CDH12: variants seen among roughly 807,000 people sequenced by gnomAD.
CDH12 encodes the protein cadherin-12.
In CDH12, 41 loss-of-function variants were observed where a neutral mutation model predicts 74.1. That is an observed-to-expected ratio of 0.55 (90% confidence interval 0.43 to 0.72). The LOEUF is 0.72. CDH12 is among the 30% of genes least tolerant of loss of function. The pLI is 0.00. For synonymous variants in CDH12, 399 were observed against 355.0 expected, an observed-to-expected ratio of 1.12 and a Z score of -1.39; for missense variants, 945 against 977.2, an observed-to-expected ratio of 0.97 and a Z score of 0.44.
chr5:21,777,439 C>T (rs1200196309), intron 11 of CDH12, among the ~76,000 whole-genome samples: 1 of 151,896 alleles, frequency 6.6e-6, no homozygotes, highest in Non-Finnish European at 1.5e-5. Flanking sequence ...ACTATATGTA[C>T]ATTGCAAATA....
Position 22,779,124 on chromosome 5 carries a change from G to T in CDH12, c.-523+73934C>A, listed in dbSNP as rs10074899. 7.6e-3 allele frequency among the ~76,000 whole-genome samples: 1,161 copies of T among 152,090 alleles called. 9 individuals are homozygous for T. The highest frequency in any genetic ancestry group is 0.027 in the African/African-American group (1,101 of 41,496). Reference sequence around the variant, plus strand: ...GATGTATATTTGCTTCAATCCTGAAGGAAGTTTGTACAACTAAGTTTTTCT... The same window carrying T: ...GATGTATATTTGCTTCAATCCTGAATGAAGTTTGTACAACTAAGTTTTTCT... On this transcript the variant is annotated intron_variant, in intron 1 of 14. Transcript: ENST00000382254.
chr5:22,389,749 G>A (rs1208756791), intron 3 of CDH12, among the ~76,000 whole-genome samples: 1 of 150,212 alleles, frequency 6.7e-6, no homozygotes, highest in African/African-American at 2.4e-5. Context: ...CCGGGTTCAC[G>A]CCATTCTCCT....
intron 1 of CDH12, among the ~76,000 whole-genome samples, chr5:22,572,077 G>A (rs1739568913): frequency 6.6e-6 from 1 of 152,012 alleles, no homozygotes; most frequent in African/African-American, 2.4e-5. Flanking sequence ...CACAATATCT[G>A]CAAAGTGCAC....
At chr5:22,372,575 GC>G (rs1561353154) in intron 3 of CDH12, among the ~76,000 whole-genome samples, 2 of 152,250 alleles carry the variant, frequency 1.3e-5, no homozygotes, top group South Asian at 2.1e-4. Flanking sequence ...AGGGAGTTGA[GC>G]CCCCGAAGGA....
chr5:22,365,712 T>C (rs1025334059), intron 3 of CDH12, among the ~76,000 whole-genome samples: 11 of 152,208 alleles, frequency 7.2e-5, no homozygotes, highest in African/African-American at 2.7e-4. Context: ...AACAACTCTT[T>C]GTAGCTATTG....
At chr5:21,944,987 A>G (rs1357695671) in intron 6 of CDH12, among the ~76,000 whole-genome samples, 3 of 152,180 alleles carry the variant, frequency 2.0e-5, no homozygotes, top group East Asian at 3.8e-4. Context: ...TCAATAGGGA[A>G]CCATCTACGA....
intron 2 of CDH12, among the ~76,000 whole-genome samples, chr5:22,458,528 A>G (rs1055634967): frequency 6.6e-6 from 1 of 152,168 alleles, no homozygotes; most frequent in Non-Finnish European, 1.5e-5. Flanking sequence ...AAGAAAAAAT[A>G]CTTCTTTGAA....
intron 11 of CDH12, among the ~76,000 whole-genome samples, chr5:21,771,176 C>T (rs10473560): frequency 0.015 from 2,312 of 150,604 alleles, 61 homozygotes; most frequent in African/African-American, 0.053. Context: ...TGCACATGTA[C>T]CCTTGAACCT....
intron 3 of CDH12, among the ~76,000 whole-genome samples, chr5:22,249,762 G>A (rs1457980388): frequency 3.9e-5 from 6 of 152,138 alleles, no homozygotes; most frequent in South Asian, 2.1e-4. Flanking sequence ...TACTAAGGTC[G>A]ACTTTTTCTG....
chr5:22,120,409 T>C (rs1745438468), intron 4 of CDH12, among the ~76,000 whole-genome samples: 1 of 152,138 alleles, frequency 6.6e-6, no homozygotes, highest in African/African-American at 2.4e-5. Context: ...ATTACATGTA[T>C]GAGAAAAATT....
intron 3 of CDH12, among the ~76,000 whole-genome samples, chr5:22,390,014 T>TACACACACAC (rs70959727): frequency 0.15 from 22,118 of 149,932 alleles, 1,854 homozygotes; most frequent in Admixed American, 0.2. Context: ...GTAGTCAGAA[T>TACACACACAC]ACACACACAC....
intron 6 of CDH12, among the ~76,000 whole-genome samples, chr5:21,933,757 G>C (rs1002379077): frequency 6.6e-5 from 10 of 152,164 alleles, no homozygotes; most frequent in African/African-American, 2.2e-4. Context: ...TCTGAACATA[G>C]ATATCTAGGG....
At chr5:21,943,906 G>A (rs978281388) in intron 6 of CDH12, among the ~76,000 whole-genome samples, 2 of 151,992 alleles carry the variant, frequency 1.3e-5, no homozygotes, top group African/African-American at 2.4e-5. Flanking sequence ...CCCTGCAAAT[G>A]AGCAGATCAC....
chr5:22,519,251 A>G (rs1313765877), intron 1 of CDH12, among the ~76,000 whole-genome samples: 1 of 152,114 alleles, frequency 6.6e-6, no homozygotes, highest in Non-Finnish European at 1.5e-5. Context: ...AAATCTATTT[A>G]TGTTTTTTTA....
chr5:22,815,769 C>CAAAAAAAAAAAAAAAAA (rs34135797), intron 1 of CDH12, among the ~76,000 whole-genome samples: 4 of 97,088 alleles, frequency 4.1e-5, no homozygotes, highest in Non-Finnish European at 8.1e-5. Flanking sequence ...GACTCCGTCT[C>CAAAAAAAAAAAAAAAAA]AAAAAAAAAA....
chr5:22,032,813 T>TAC (rs534589061), intron 5 of CDH12, among the ~76,000 whole-genome samples: 6 of 148,744 alleles, frequency 4.0e-5, no homozygotes, highest in African/African-American at 7.4e-5. Context: ...AGTGTGTATA[T>TAC]ATACACACAC....
At chr5:22,136,031 T>C (rs1746440694) in intron 4 of CDH12, among the ~76,000 whole-genome samples, 1 of 151,952 alleles carries the variant, frequency 6.6e-6, no homozygotes, top group African/African-American at 2.4e-5. Context: ...AATTGAAGAA[T>C]AAACTAAACA....
At chr5:22,671,055 A>C (rs976442948) in intron 1 of CDH12, among the ~76,000 whole-genome samples, 1 of 151,954 alleles carries the variant, frequency 6.6e-6, no homozygotes, top group African/African-American at 2.4e-5. Context: ...TGACAAAACT[A>C]TAACAGAACT....
chr5:21,847,155 C>G (rs1750217754), intron 7 of CDH12, among the ~76,000 whole-genome samples: 1 of 152,072 alleles, frequency 6.6e-6, no homozygotes, highest in Non-Finnish European at 1.5e-5. Flanking sequence ...CACCTTCCTG[C>G]TGAACTCTGA....
Sources: allele counts gnomAD v4.1 joint callset (sites outside exome capture counted in the v4.1 genomes callset), GRCh38; gene constraint gnomAD v4.1.1; transcripts MANE v1.5; gene names NCBI Gene and HGNC (gene_info 2026-07-23, HGNC 2026-07-21).